The following NFATC4 variants were observed in gnomAD, a reference collection of about 807,000 sequenced individuals.
The protein encoded by NFATC4 is nuclear factor of activated T cells 4.
A neutral mutation model predicts 73.4 loss-of-function variants in NFATC4; 25 were observed. The observed-to-expected ratio is 0.34, with a 90% CI of 0.25 to 0.48. NFATC4 has a LOEUF of 0.48. NFATC4 is among the 20% of genes least tolerant of loss of function. The pLI is 0.99. For synonymous variants in NFATC4, 523 were observed against 510.3 expected (o/e 1.02, Z -0.34); for missense variants, 1,130 against 1,203.7 (o/e 0.94, Z 0.91).
chr14:24,374,447 GTTCA>G lies in NFATC4; in HGVS notation c.1857_1860del (p.Phe619LeufsTer17). The G allele has an allele frequency of 6.2e-7, 1 of 1,613,732 alleles. No homozygotes were observed. Among genetic ancestry groups the G allele is most frequent in the African/African-American group, 1.3e-5 (1 of 75,066 alleles). On this transcript the variant is annotated frameshift_variant, in exon 6 of 10. Coordinates refer to ENST00000250373, the MANE Select transcript of NFATC4 (RefSeq NM_004554.5). LOFTEE classifies it high-confidence loss of function. ...ACTTCCTGCCAGACTCCAAGGTGGT[GTTCA>G]TTGAGAGGGGTCCTGGTGAGTACCT...
chr14:24,378,619 C>T lies in NFATC4; in HGVS notation c.*914C>T, dbSNP rs978776318. On this transcript the variant is annotated 3_prime_UTR_variant, in exon 10 of 10. Transcript: ENST00000250373. ...AGGTGAGGGAGAGCTGGCACAAGCCCTCCCTCTGGATCCTCCACTCCTGGG... is the reference window on the plus strand; with the variant it reads ...AGGTGAGGGAGAGCTGGCACAAGCCTTCCCTCTGGATCCTCCACTCCTGGG... The T allele has an allele frequency of 6.6e-6, 1 of 152,430 alleles. No homozygotes were observed. Among genetic ancestry groups the T allele is most frequent in the South Asian group, 2.1e-4 (1 of 4,830 alleles). 9.4% of individuals were successfully genotyped at this position (152,430 alleles called of 1,614,324 possible).
Position 24,374,399 on chromosome 14 carries a change from G to A in NFATC4, c.1806G>A (p.Glu602=). Residue 602 remains glutamate (E), a synonymous_variant, in exon 6 of 10, where the codon GAG becomes GAA. Coordinates refer to ENST00000250373, the MANE Select transcript of NFATC4 (RefSeq NM_004554.5). ...SPSACSVRGG[E]ELVLTGSNFL... ...GTGCCTGCTCTGTGAGAGGAGGCGA[G>A]GAACTGGTACTGACTGGCTCCAACT... The A allele has an allele frequency of 1.2e-6, 2 of 1,614,070 alleles. No homozygotes were observed. The highest frequency in any genetic ancestry group is 1.7e-6 in the Non-Finnish European group (2 of 1,179,986).
At chr14:24,372,175 G>C in intron 2 of NFATC4, 1 of 428,208 alleles carries the variant, frequency 2.3e-6, no homozygotes, top group East Asian at 4.5e-5. Flanking sequence ...GGAGTTTTAG[G>C]CTTGTTGTCA....
Position 24,374,419 on chromosome 14 carries a change from C to T in NFATC4, c.1826C>T (p.Ser609Phe). The T allele has an allele frequency of 4.3e-6, 7 of 1,614,038 alleles. No individual in the cohort carries two copies. Among genetic ancestry groups the T allele is most frequent in the African/African-American group, 1.3e-5 (1 of 75,050 alleles). ...GGCGAGGAACTGGTACTGACTGGCTCCAACTTCCTGCCAGACTCCAAGGTG... is the reference window on the plus strand; with the variant it reads ...GGCGAGGAACTGGTACTGACTGGCTTCAACTTCCTGCCAGACTCCAAGGTG... ...RGGEELVLTG[S>F]NFLPDSKVVF... Residue 609 changes from serine to phenylalanine, a missense_variant, in exon 6 of 10, where the codon TCC (serine) becomes TTC (phenylalanine). By Grantham distance (155) the Ser-to-Phe change is radical. This residue lies in a region of NFATC4 where 390 missense variants were observed against 408.1 expected (regional missense o/e 0.96). Transcript: ENST00000250373.
intron 1 of NFATC4, chr14:24,368,924 G>C: frequency 2.1e-6 from 1 of 472,636 alleles, no homozygotes; most frequent in Non-Finnish European, 2.8e-6. Context: ...GGCGGCCGCC[G>C]CTCGCACGAA....
chr14:24,377,362 G>A lies in NFATC4; in HGVS notation c.2642-276G>A, dbSNP rs1272760640. On this transcript the variant is annotated intron_variant, in intron 9 of 9. Transcript: ENST00000250373. The surrounding 1 kb of genome is among the most constrained non-coding windows in gnomAD (Gnocchi z 4.2). ...ATTGGCTACACCCATCTCTGGCCCT[G>A]CTGATACCGATTCCCCTGACATTTC... is the stretch of plus-strand genomic sequence containing the variant. The A allele has an allele frequency of 1.5e-6, 2 of 1,347,738 alleles. No individual in the cohort carries two copies. Among genetic ancestry groups the A allele is most frequent in the African/African-American group, 1.5e-5 (1 of 68,438 alleles). The allele number at this position is 1,347,738 out of a possible 1,614,324, so 83.5% of individuals were successfully genotyped here. A position where few individuals can be genotyped will look rare whatever the true frequency, so the allele number is the denominator to read the frequency against.
rs2042620149 is a variant in NFATC4, at chr14:24,376,414, C to T, written c.2177C>T (p.Pro726Leu). 3 of 1,613,764 alleles carry T rather than the reference C, an allele frequency of 1.9e-6. No homozygotes were observed. Among genetic ancestry groups the T allele is most frequent in the Non-Finnish European group, 2.5e-6 (3 of 1,179,870 alleles). ...SPPRPPYPSY[P>L]HEDPACETPY... ...CCCAGGCCCCCCTACCCCTCCTATC[C>T]CCATGAAGACCCTGCTTGCGAAACT... Residue 726 changes from proline (P) to leucine (L), a missense_variant, in exon 9 of 10, where the codon CCC becomes CTC. By Grantham distance (98) the Pro-to-Leu change is moderately conservative. This residue lies in a region of NFATC4 where 390 missense variants were observed against 408.1 expected (regional missense o/e 0.96). Transcript: ENST00000250373. This position sits in a 1 kb window ranked among gnomAD's most constrained non-coding sequence, Gnocchi z 5.0.
rs773904881 is a variant in NFATC4 at position 24,375,663 on chromosome 14, G to C, written c.1877G>C (p.Gly626Ala). The change falls in exon 7 of 10, where the codon GGG becomes GCG. Residue 626 changes from glycine to alanine, a missense_variant. Around this residue, in one of 3 missense-constraint regions of NFATC4, gnomAD observed 390 missense variants for 408.1 expected, o/e 0.96. Coordinates refer to ENST00000250373, the MANE Select transcript of NFATC4 (RefSeq NM_004554.5). ...KVVFIERGPDGKLQWEEEATV... is the reference protein window; with the variant it reads ...KVVFIERGPDAKLQWEEEATV... ...GCTCTCTGTTCCCTCTGGACAGATG[G>C]GAAGCTGCAATGGGAGGAGGAGGCC... The C allele has an allele frequency of 1.2e-5, 18 of 1,553,352 alleles. No homozygotes were observed. The highest frequency in any genetic ancestry group is 1.5e-5 in the Non-Finnish European group (17 of 1,147,294).
At chr14:24,369,157 G>A (rs992868260) in intron 1 of NFATC4, 23 of 1,470,782 alleles carry the variant, frequency 1.6e-5, no homozygotes, top group African/African-American at 4.2e-5. Flanking sequence ...GGGTTCATGT[G>A]TGAGTCGCCC....
In NFATC4 at chr14:24,369,967, C is replaced by T. The variant is rs1325726733; in HGVS notation, c.569C>T (p.Ala190Val). ...SFFSDASDEA[A>V]LYAACDEVES... Reference sequence around the variant, plus strand: ...TTCTCCGATGCCTCTGACGAGGCAGCCCTGTATGCAGCCTGCGACGAGGTG... The same window carrying T: ...TTCTCCGATGCCTCTGACGAGGCAGTCCTGTATGCAGCCTGCGACGAGGTG... Residue 190 changes from alanine to valine, a missense_variant, in exon 2 of 10, where the codon GCC becomes GTC. Physicochemically the swap from Ala to Val is moderately conservative, Grantham distance 64 (BLOSUM62 0). Coordinates refer to ENST00000250373, the MANE Select transcript of NFATC4 (RefSeq NM_004554.5). 3 of 1,612,950 alleles carry T rather than the reference C, an allele frequency of 1.9e-6. No homozygotes were observed. Among genetic ancestry groups the T allele is most frequent in the South Asian group, 1.1e-5 (1 of 91,088 alleles).
chr14:24,375,797 G>A, intron 7 of NFATC4, 82 bp downstream of exon 7: 1 of 1,560,980 alleles, frequency 6.4e-7, no homozygotes, highest in Non-Finnish European at 8.8e-7. Flanking sequence ...CTTGCTCAGG[G>A]GAGTGGACTT....
chr14:24,378,498 C>T lies in NFATC4; in HGVS notation c.*793C>T, dbSNP rs573612001. The T allele has an allele frequency of 1.2e-4, 18 of 152,940 alleles. No individual in the cohort carries two copies. The highest frequency in any genetic ancestry group is 2.1e-4 in the South Asian group (1 of 4,832). The allele number at this position is 152,940 out of a possible 1,614,324, so 9.5% of individuals were successfully genotyped here. A position where few individuals can be genotyped will look rare whatever the true frequency, so the allele number is the denominator to read the frequency against. The stretch of plus-strand genomic sequence containing the variant: ...CGTAGATAATCAGCAGCACATTGAA[C>T]GCTGCACTCCTGGGCTCCTGTCCCC... On this transcript the variant is annotated 3_prime_UTR_variant, in exon 10 of 10. Coordinates refer to ENST00000250373, the MANE Select transcript of NFATC4 (RefSeq NM_004554.5).
rs755905969 is a variant in NFATC4, at chr14:24,368,475, G to A, written c.100+35G>A. On this transcript the variant is annotated intron_variant, in intron 1 of 9. Coordinates refer to ENST00000250373, the MANE Select transcript of NFATC4 (RefSeq NM_004554.5). The stretch of plus-strand genomic sequence containing the variant: ...GGGCTGGGAAGGGGTCTTGGGGTCA[G>A]TGAGAGGAGGGCCGGGGATCCTGAG... 87 of 1,260,686 alleles carry A rather than the reference G, an allele frequency of 6.9e-5. No individual in the cohort carries two copies. In the African/African-American group the frequency reaches 1.3e-3, roughly 19 times the overall value. The allele number at this position is 1,260,686 out of a possible 1,614,324, so 78.1% of individuals were successfully genotyped here. A position where few individuals can be genotyped will look rare whatever the true frequency, so the allele number is the denominator to read the frequency against.
chr14:24,377,737 A>T lies in NFATC4; in HGVS notation c.*32A>T. The T allele has an allele frequency of 6.2e-7, 1 of 1,614,082 alleles. No homozygotes were observed. The highest frequency in any genetic ancestry group is 1.3e-5 in the African/African-American group (1 of 75,032). On this transcript the variant is annotated 3_prime_UTR_variant, in exon 10 of 10. Transcript: ENST00000250373. This position sits in a 1 kb window ranked among gnomAD's most constrained non-coding sequence, Gnocchi z 4.2. ...TGAACTGTCATCACCTGGCAACCCC[A>T]GCCCCAGCCTCAGCCCTGCCCCCTT...
At position 24,377,358 on chromosome 14, in the gene NFATC4, C is replaced by A; in HGVS notation, c.2642-280C>A. ...TCCCATTGGCTACACCCATCTCTGG[C>A]CCTGCTGATACCGATTCCCCTGACA... On this transcript the variant is annotated intron_variant, in intron 9 of 9. Transcript: ENST00000250373. This position sits in a 1 kb window ranked among gnomAD's most constrained non-coding sequence, Gnocchi z 4.2. The A allele has an allele frequency of 7.5e-7, 1 of 1,341,636 alleles. No individual in the cohort carries two copies. Among genetic ancestry groups the A allele is most frequent in the Non-Finnish European group, 9.6e-7 (1 of 1,046,546 alleles). 83.1% of individuals were successfully genotyped at this position (1,341,636 alleles called of 1,614,324 possible).
chr14:24,367,719 C>G, upstream of NFATC4: 1 of 1,497,400 alleles, frequency 6.7e-7, no homozygotes, highest in South Asian at 1.2e-5. Flanking sequence ...GCCCCCAGGA[C>G]CCTCCTGGCC....
At chr14:24,367,666 G>A, upstream of NFATC4, 1 of 1,535,740 alleles carries the variant, frequency 6.5e-7, no homozygotes, top group Non-Finnish European at 8.7e-7. Context: ...AAGGGAGGCG[G>A]AAGAATAGCC....
chr14:24,368,421 C>T lies in NFATC4; in HGVS notation c.81C>T (p.Gly27=). 2 of 1,322,560 alleles carry T rather than the reference C, an allele frequency of 1.5e-6. No individual in the cohort carries two copies. Among genetic ancestry groups the T allele is most frequent in the Non-Finnish European group, 1.9e-6 (2 of 1,032,850 alleles). 81.9% of individuals were successfully genotyped at this position (1,322,560 alleles called of 1,614,324 possible). A position where few individuals can be genotyped will look rare whatever the true frequency, so the allele number is the denominator to read the frequency against. ...FGEEKEAPPL[G]AGGLGEELDS... is the part of the protein sequence containing the mutation. Reference sequence around the variant, plus strand: ...AGGAAAAGGAGGCCCCCCCGCTGGGCGCGGGGGGATTGGGGGAAGGTTAGT... The same window carrying T: ...AGGAAAAGGAGGCCCCCCCGCTGGGTGCGGGGGGATTGGGGGAAGGTTAGT... Residue 27 remains glycine, a synonymous_variant, in exon 1 of 10, where the codon GGC becomes GGT. Coordinates refer to ENST00000250373, the MANE Select transcript of NFATC4 (RefSeq NM_004554.5).
chr14:24,377,333 TC>T lies in NFATC4; in HGVS notation c.2642-302del. 7.8e-7 allele frequency: 1 copy of T among 1,281,492 alleles called. No homozygotes were observed. 79.4% of individuals were successfully genotyped at this position (1,281,492 alleles called of 1,614,324 possible). ...GCTTTCCTGTTTTGCCTCTCCTTCT[TC>T]CCATTGGCTACACCCATCTCTGGCC... On this transcript the variant is annotated intron_variant, in intron 9 of 9. Transcript: ENST00000250373. This position sits in a 1 kb window ranked among gnomAD's most constrained non-coding sequence, Gnocchi z 4.2.
Sources: allele counts gnomAD v4.1 joint callset, GRCh38; gene constraint gnomAD v4.1.1; regional missense constraint gnomAD v4.1.1; non-coding constraint Gnocchi (gnomAD v3.1); transcripts MANE v1.5; gene names NCBI Gene and HGNC (gene_info 2026-07-23, HGNC 2026-07-21).